Variants in SNX29 observed in about 807,000 individuals in gnomAD.
The protein encoded by SNX29 is sorting nexin-29.
In SNX29, 78 loss-of-function variants were observed where a neutral mutation model predicts 102.1. That is an observed-to-expected ratio of 0.76 (90% CI 0.64 to 0.92). The LOEUF (loss-of-function observed/expected upper bound fraction) is 0.92. Ranked by LOEUF, SNX29 falls within the 40% of genes least tolerant of loss-of-function variation. The pLI is 0.00. For missense variants in SNX29, 1,280 were observed against 1,061.7 expected (o/e 1.21, Z -2.86); for synonymous variants, 580 against 414.5 (o/e 1.40, Z -4.85).
intron 20 of SNX29, among the ~76,000 whole-genome samples, chr16:12,558,810 C>G (rs77388746): frequency 6.6e-6 from 1 of 152,196 alleles, no homozygotes; most frequent in African/African-American, 2.4e-5. Flanking sequence ...CTGATAAGGG[C>G]TCCCTAGGGG....
At chr16:12,008,586 AC>A (rs1248963710) in intron 3 of SNX29, among the ~76,000 whole-genome samples, 1 of 151,922 alleles carries the variant, frequency 6.6e-6, no homozygotes, top group East Asian at 1.9e-4. Flanking sequence ...TTTTTGACTT[AC>A]AAAAATGACA....
intron 15 of SNX29, among the ~76,000 whole-genome samples, chr16:12,325,451 A>G (rs1390408097): frequency 6.6e-6 from 1 of 152,254 alleles, no homozygotes; most frequent in Non-Finnish European, 1.5e-5. Context: ...CCTAATTAAC[A>G]ATAATGGGAA....
At chr16:12,549,934 G>GT (rs1567176013) in intron 20 of SNX29, among the ~76,000 whole-genome samples, 4 of 152,098 alleles carry the variant, frequency 2.6e-5, no homozygotes, top group South Asian at 4.1e-4. Flanking sequence ...CCCTCCACCT[G>GT]TTTTTTATAA....
intron 8 of SNX29, among the ~76,000 whole-genome samples, chr16:12,056,685 A>G (rs1171985554): frequency 6.6e-6 from 1 of 152,298 alleles, no homozygotes; most frequent in East Asian, 1.9e-4. Context: ...CCATTCTTTG[A>G]TGTCTGAAGA....
intron 8 of SNX29, chr16:12,052,427 G>A: frequency 2.0e-6 from 1 of 493,460 alleles, no homozygotes; most frequent in Non-Finnish European, 3.6e-6. Flanking sequence ...ATATTGGCCA[G>A]GCTGGTCTCA....
At position 12,543,970 on chromosome 16, in the gene SNX29, G is replaced by A. The variant is rs142221905; in HGVS notation, c.2318+19129G>A. ...GAGGAGCCTATCTGCTGGGAGAAAT[G>A]GTCTCAGCCAAGGTCACACCATGGG... On this transcript the variant is annotated intron_variant, in intron 20 of 20. Transcript: ENST00000566228. 3.3e-5 allele frequency among the ~76,000 whole-genome samples: 5 copies of A among 152,266 alleles called. No homozygotes were observed. The East Asian group carries it at 9.7e-4, about 29-fold the overall frequency.
chr16:12,259,078 G>A (rs1251760141), intron 14 of SNX29, among the ~76,000 whole-genome samples: 1 of 152,046 alleles, frequency 6.6e-6, no homozygotes, highest in Non-Finnish European at 1.5e-5. Flanking sequence ...CCTGCCCTCT[G>A]CTTCCCCAGA....
rs184821446 is a variant in SNX29, at chr16:12,417,629, G to A, written c.2037+14100G>A. 1.4e-3 allele frequency among the ~76,000 whole-genome samples: 204 copies of A among 148,798 alleles called. 1 individual carries two copies. The highest frequency in any genetic ancestry group is 4.7e-3 in the African/African-American group (188 of 40,148). On this transcript the variant is annotated intron_variant, in intron 18 of 20. Coordinates refer to ENST00000566228, the MANE Select transcript of SNX29 (RefSeq NM_032167.5). ...TCATCATTCCTTTTCCCTGTTCCTT[G>A]TCATTCCTTTTCCCTGTCATTTCCC...
chr16:12,199,876 A>G (rs138771525), intron 14 of SNX29, among the ~76,000 whole-genome samples, 193 bp downstream of exon 14: 5 of 152,330 alleles, frequency 3.3e-5, no homozygotes, highest in Non-Finnish European at 7.3e-5. Flanking sequence ...CATAACTAGT[A>G]TTGTAAGACT....
Position 12,572,982 on chromosome 16 carries a change from A to G in SNX29, c.*4353A>G, listed in dbSNP as rs1415680153. 1 of 412,716 alleles carries G rather than the reference A, an allele frequency of 2.4e-6. No individual in the cohort carries two copies. The highest frequency in any genetic ancestry group is 3.5e-6 in the Non-Finnish European group (1 of 283,464). The allele number at this position is 412,716 out of a possible 1,614,324, so 25.6% of individuals were successfully genotyped here. ...TCAAAGATTTTTCAAAATATTGTGCATTAATTCATTAAAGCTACTGTTAAA... is the reference window on the plus strand; with the variant it reads ...TCAAAGATTTTTCAAAATATTGTGCGTTAATTCATTAAAGCTACTGTTAAA... On this transcript the variant is annotated 3_prime_UTR_variant, in exon 21 of 21. Transcript: ENST00000566228.
chr16:12,340,409 G>A (rs1038224892), intron 15 of SNX29, among the ~76,000 whole-genome samples: 4 of 152,210 alleles, frequency 2.6e-5, no homozygotes, highest in Non-Finnish European at 4.4e-5. Context: ...AAGCTCAGAG[G>A]AGGAAGGAGC....
chr16:11,994,720 G>A (rs555872253), intron 1 of SNX29, among the ~76,000 whole-genome samples: 3 of 152,268 alleles, frequency 2.0e-5, no homozygotes, highest in East Asian at 1.9e-4. Context: ...TCTGAGTGGC[G>A]GCAACATTTG....
At chr16:12,289,780 C>T (rs1047403592) in intron 15 of SNX29, among the ~76,000 whole-genome samples, 1 of 152,162 alleles carries the variant, frequency 6.6e-6, no homozygotes, top group Non-Finnish European at 1.5e-5. Context: ...TTGCCTTCCT[C>T]TTTGAGGCGG....
chr16:12,464,795 A>G (rs2086976631), intron 18 of SNX29, among the ~76,000 whole-genome samples: 1 of 152,154 alleles, frequency 6.6e-6, no homozygotes, highest in Admixed American at 6.5e-5. Context: ...GGATTGCTGG[A>G]TTCTGTATGG....
intron 1 of SNX29, among the ~76,000 whole-genome samples, chr16:11,996,098 T>G (rs2056062416): frequency 6.7e-6 from 1 of 150,036 alleles, no homozygotes; most frequent in Admixed American, 6.6e-5. Context: ...ATCCTCAACC[T>G]CCTGAACCAG....
chr16:12,332,097 G>T (rs919081091), intron 15 of SNX29, among the ~76,000 whole-genome samples: 1 of 152,058 alleles, frequency 6.6e-6, no homozygotes, highest in African/African-American at 2.4e-5. Flanking sequence ...TTTACAATGT[G>T]AGCATTACTT....
intron 1 of SNX29, among the ~76,000 whole-genome samples, chr16:11,991,534 A>AT (rs1404435465): frequency 2.6e-5 from 4 of 151,630 alleles, no homozygotes; most frequent in Admixed American, 2.0e-4. Flanking sequence ...TTATTTATTT[A>AT]TTTTTTATTT....
intron 14 of SNX29, among the ~76,000 whole-genome samples, chr16:12,264,187 C>G (rs1272417440): frequency 6.6e-6 from 1 of 152,230 alleles, no homozygotes; most frequent in African/African-American, 2.4e-5. Flanking sequence ...AGCCCCTGTG[C>G]CTTTTGCAGT....
intron 15 of SNX29, among the ~76,000 whole-genome samples, chr16:12,315,752 GC>G (rs1180168728): frequency 3.3e-5 from 5 of 152,336 alleles, no homozygotes; most frequent in Admixed American, 3.3e-4. Flanking sequence ...TGTTACCACA[GC>G]CCTAACAGAC....
Sources: allele counts gnomAD v4.1 joint callset (sites outside exome capture counted in the v4.1 genomes callset), GRCh38; gene constraint gnomAD v4.1.1; transcripts MANE v1.5; gene names NCBI Gene and HGNC (gene_info 2026-07-23, HGNC 2026-07-21).